Variants in SH2B3 observed in about 807,000 individuals in gnomAD.
SH2B3 encodes SH2B adapter protein 3.
SH2B3 carries 43 observed loss-of-function variants against 51.9 expected under a neutral mutation model. The ratio of observed to expected loss-of-function variants is 0.83; its 90% CI spans 0.65 to 1.07. The LOEUF (loss-of-function observed/expected upper bound fraction) is 1.07, where lower values mean the gene tolerates loss of function less well. Ranked by LOEUF, SH2B3 falls within the 50% of genes least tolerant of loss-of-function variation. The pLI is 0.00. For missense variants in SH2B3, 952 were observed against 834.3 expected, an observed-to-expected ratio of 1.14 and a Z score of -1.74; for synonymous variants, 396 against 376.0, an observed-to-expected ratio of 1.05 and a Z score of -0.62.
intron 2 of SH2B3, among the ~76,000 whole-genome samples, chr12:111,423,106 G>C (rs755164037): frequency 2.0e-5 from 3 of 152,204 alleles, no homozygotes; most frequent in Non-Finnish European, 4.4e-5. Flanking sequence ...TTTGAAGAAA[G>C]GACAAGATGA....
chr12:111,436,403 A>G (rs1250390343), intron 2 of SH2B3, among the ~76,000 whole-genome samples: 2 of 152,036 alleles, frequency 1.3e-5, no homozygotes, highest in African/African-American at 4.8e-5. Flanking sequence ...AGGGCTTTCC[A>G]GGCATCATCC....
chr12:111,406,978 A>G lies in SH2B3; in HGVS notation c.-28+701A>G, dbSNP rs1870298186. On this transcript the variant is annotated intron_variant, in intron 1 of 7. Coordinates refer to ENST00000341259, the MANE Select transcript of SH2B3 (RefSeq NM_005475.3). This position sits in a 1 kb window ranked among gnomAD's most constrained non-coding sequence, Gnocchi z 5.7. ...TCTGGAGTGGGTGTTGGTCTTCTAG[A>G]TCCGCACGGTAGGGATGGTATTTCA... 3.3e-5 allele frequency among the ~76,000 whole-genome samples: 5 copies of G among 152,096 alleles called. No homozygotes were observed. Among genetic ancestry groups the G allele is most frequent in the Admixed American group, 3.3e-4 (5 of 15,272 alleles).
In SH2B3 at chr12:111,429,015, CGAGGAGGAGGAG is replaced by C. The variant is rs142822757; in HGVS notation, c.732+10159_732+10170del. Among the ~76,000 whole-genome samples the C allele has an allele frequency of 1.9e-4, 22 of 114,936 alleles. 1 individual carries two copies. Among genetic ancestry groups the C allele is most frequent in the South Asian group, 1.5e-3 (5 of 3,376 alleles). 75.4% of individuals were successfully genotyped at this position (114,936 alleles called of 152,430 possible). On this transcript the variant is annotated intron_variant, in intron 2 of 7. Coordinates refer to ENST00000341259, the MANE Select transcript of SH2B3 (RefSeq NM_005475.3). The surrounding 1 kb of genome is among the most constrained non-coding windows in gnomAD (Gnocchi z 4.4). ...GCGGTTTCCTCTCGGGGCAGGAGTGCGAGGAGGAGGAGGAGGAGGAGGAGGAGGAGGAAGAGG... is the reference window on the plus strand; with the variant it reads ...GCGGTTTCCTCTCGGGGCAGGAGTGCGAGGAGGAGGAGGAGGAGGAAGAGG...
At chr12:111,420,079 T>C (rs1251737123) in intron 2 of SH2B3, among the ~76,000 whole-genome samples, 3 of 152,186 alleles carry the variant, frequency 2.0e-5, no homozygotes, top group East Asian at 1.9e-4. Flanking sequence ...CAGACTGGCA[T>C]TGACAGATTG....
rs1429353580 is a variant in SH2B3, at chr12:111,435,537, T to G, written c.733-11216T>G. Among the ~76,000 whole-genome samples the G allele has an allele frequency of 6.6e-6, 1 of 152,182 alleles. No homozygotes were observed. The highest frequency in any genetic ancestry group is 1.5e-5 in the Non-Finnish European group (1 of 68,026). On this transcript the variant is annotated intron_variant, in intron 2 of 7. Transcript: ENST00000341259. This position sits in a 1 kb window ranked among gnomAD's most constrained non-coding sequence, Gnocchi z 4.8. ...CCACGCCTGGCTAATTTTTGAATTT[T>G]TAGTAGAGGCAGGGTTTCACCATGT...
At position 111,450,419 on chromosome 12, in the gene SH2B3, G is replaced by A. The variant is rs894635973; in HGVS notation, c.*2117G>A. On this transcript the variant is annotated 3_prime_UTR_variant, in exon 8 of 8. Coordinates refer to ENST00000341259, the MANE Select transcript of SH2B3 (RefSeq NM_005475.3). ...AAGAGTCTGAAGTTTTTTTAAAGGA[G>A]AAAGCTTATTATGGAAAGTCACTGG... 1.3e-5 allele frequency: 2 copies of A among 152,196 alleles called. No homozygotes were observed. The highest frequency in any genetic ancestry group is 4.8e-5 in the African/African-American group (2 of 41,436). 9.4% of individuals were successfully genotyped at this position (152,196 alleles called of 1,614,324 possible).
intron 2 of SH2B3, among the ~76,000 whole-genome samples, chr12:111,436,972 A>G (rs978409342): frequency 6.6e-6 from 1 of 151,700 alleles, no homozygotes; most frequent in Admixed American, 6.6e-5. Flanking sequence ...CACCACACTC[A>G]GTCACTCAGT....
At chr12:111,437,480 C>T (rs766353798) in intron 2 of SH2B3, among the ~76,000 whole-genome samples, 6 of 152,192 alleles carry the variant, frequency 3.9e-5, no homozygotes, top group African/African-American at 9.7e-5. Context: ...GCCCTGTGGA[C>T]TGGGCCCACT....
chr12:111,415,585 T>C (rs1663533774), intron 1 of SH2B3, among the ~76,000 whole-genome samples: 1 of 151,968 alleles, frequency 6.6e-6, no homozygotes, highest in Non-Finnish European at 1.5e-5. Flanking sequence ...TTTTTTGTTT[T>C]ATATTTATTT....
chr12:111,438,843 A>C lies in SH2B3; in HGVS notation c.733-7910A>C, dbSNP rs577613737. ...TGCCTCTCTGAGGGCACAGGCCCCGAGTGCACCTGGCACACTGAAGAAGAG... is the reference window on the plus strand; with the variant it reads ...TGCCTCTCTGAGGGCACAGGCCCCGCGTGCACCTGGCACACTGAAGAAGAG... On this transcript the variant is annotated intron_variant, in intron 2 of 7. Coordinates refer to ENST00000341259, the MANE Select transcript of SH2B3 (RefSeq NM_005475.3). The surrounding 1 kb of genome is among the most constrained non-coding windows in gnomAD (Gnocchi z 4.2). 2.6e-4 allele frequency among the ~76,000 whole-genome samples: 40 copies of C among 152,320 alleles called. No individual in the cohort carries two copies. The highest frequency in any genetic ancestry group is 1.7e-3 in the South Asian group (8 of 4,824).
Position 111,438,866 on chromosome 12 carries a change from G to C in SH2B3, c.733-7887G>C, listed in dbSNP as rs1286360970. On this transcript the variant is annotated intron_variant, in intron 2 of 7. Transcript: ENST00000341259. The surrounding 1 kb of genome is among the most constrained non-coding windows in gnomAD (Gnocchi z 4.2). ...CGAGTGCACCTGGCACACTGAAGAA[G>C]AGTGGAGGCCAGTGTGGCTGGATCA... Among the ~76,000 whole-genome samples, 1 of 152,240 alleles carries C rather than the reference G, an allele frequency of 6.6e-6. No individual in the cohort carries two copies. The highest frequency in any genetic ancestry group is 6.5e-5 in the Admixed American group (1 of 15,294).
chr12:111,443,472 T>C (rs377161596), intron 2 of SH2B3: 1 of 152,224 alleles, frequency 6.6e-6, no homozygotes, highest in Admixed American at 6.5e-5. Context: ...AGCCAAGTAG[T>C]TGGTTGTGTT....
At chr12:111,414,172 A>G (rs990475466) in intron 1 of SH2B3, among the ~76,000 whole-genome samples, 1 of 152,254 alleles carries the variant, frequency 6.6e-6, no homozygotes, top group African/African-American at 2.4e-5. Flanking sequence ...CAGGAAGAAC[A>G]TGGTGGCCAA....
chr12:111,451,573 C>G lies in SH2B3; in HGVS notation c.*3271C>G, dbSNP rs908880717. On this transcript the variant is annotated 3_prime_UTR_variant, in exon 8 of 8. Coordinates refer to ENST00000341259, the MANE Select transcript of SH2B3 (RefSeq NM_005475.3). Reference sequence around the variant, plus strand: ...TTATTCTTGAATAATGCAAATTTTGCTATAATGTACAAATTGCTATATGTG... The same window carrying G: ...TTATTCTTGAATAATGCAAATTTTGGTATAATGTACAAATTGCTATATGTG... The G allele has an allele frequency of 6.6e-6, 1 of 152,578 alleles. No homozygotes were observed. The highest frequency in any genetic ancestry group is 6.5e-5 in the Admixed American group (1 of 15,278). 9.5% of individuals were successfully genotyped at this position (152,578 alleles called of 1,614,324 possible). A position where few individuals can be genotyped will look rare whatever the true frequency, so the allele number is the denominator to read the frequency against.
chr12:111,431,626 G>T (rs1450754725), intron 2 of SH2B3, among the ~76,000 whole-genome samples: 1 of 152,082 alleles, frequency 6.6e-6, no homozygotes, highest in Non-Finnish European at 1.5e-5. Flanking sequence ...CTGTCCCCCA[G>T]ACTAGAGAGC....
chr12:111,442,048 C>T (rs1873464659), intron 2 of SH2B3, among the ~76,000 whole-genome samples: 1 of 152,148 alleles, frequency 6.6e-6, no homozygotes, highest in Admixed American at 6.5e-5. Context: ...TCTCCTGCCT[C>T]AGCTTCCCAA....
chr12:111,431,889 G>A (rs191157779), intron 2 of SH2B3, among the ~76,000 whole-genome samples: 13 of 152,002 alleles, frequency 8.6e-5, no homozygotes, highest in African/African-American at 2.9e-4. Context: ...TTACAGGCGT[G>A]AGCCACCACC....
intron 2 of SH2B3, among the ~76,000 whole-genome samples, chr12:111,433,943 A>G (rs375257442): frequency 1.1e-4 from 16 of 152,248 alleles, no homozygotes; most frequent in East Asian, 1.9e-4. Context: ...CATTTCCCCA[A>G]TGGAAAATGG....
At chr12:111,421,471 C>A (rs1180513059) in intron 2 of SH2B3, among the ~76,000 whole-genome samples, 1 of 138,566 alleles carries the variant, frequency 7.2e-6, no homozygotes, top group African/African-American at 2.8e-5. Context: ...TGCAGTGGCT[C>A]GATCTCAGCT....
Sources: allele counts gnomAD v4.1 joint callset (sites outside exome capture counted in the v4.1 genomes callset), GRCh38; gene constraint gnomAD v4.1.1; non-coding constraint Gnocchi (gnomAD v3.1); transcripts MANE v1.5; gene names NCBI Gene and HGNC (gene_info 2026-07-23, HGNC 2026-07-21).